The following CHODL variants were observed in gnomAD, a reference collection of about 807,000 sequenced individuals.
The protein encoded by CHODL is transmembrane protein MT75.
In CHODL, 29 loss-of-function variants were observed where a neutral mutation model predicts 34.5. That is an observed-to-expected ratio of 0.84 (90% CI 0.63 to 1.15). The LOEUF is 1.15. Among genes scored for constraint, CHODL ranks in the 50% most tolerant of loss-of-function variants. CHODL has a pLI of 0.00. For synonymous variants in CHODL, 125 were observed against 116.1 expected (o/e 1.08, Z -0.49); for missense variants, 332 against 332.5 (o/e 1.00, Z 0.01).
At chr21:17,950,431 C>T (rs1290392230) in intron 1 of CHODL, among the ~76,000 whole-genome samples, 9 of 151,296 alleles carry the variant, frequency 5.9e-5, no homozygotes, top group African/African-American at 2.2e-4. Context: ...GCTACTGTCT[C>T]TGGTTAGAAT....
intron 2 of CHODL, among the ~76,000 whole-genome samples, chr21:18,050,465 AG>A (rs2064499730): frequency 6.6e-6 from 1 of 151,980 alleles, no homozygotes; most frequent in African/African-American, 2.4e-5. Context: ...TCCCATTTAA[AG>A]GGCTGTGGCT....
chr21:18,081,410 G>A (rs1475324657), intron 2 of CHODL, among the ~76,000 whole-genome samples: 1 of 152,064 alleles, frequency 6.6e-6, no homozygotes, highest in Admixed American at 6.6e-5. Context: ...GCTGGGTGCG[G>A]TGGCTCACAT....
intron 2 of CHODL, among the ~76,000 whole-genome samples, chr21:18,160,845 C>G (rs1435484789): frequency 2.0e-5 from 3 of 152,110 alleles, no homozygotes; most frequent in African/African-American, 4.8e-5. Flanking sequence ...TGGGTAGATA[C>G]TCAGTAATGG....
rs563292702 is a variant in CHODL, at chr21:18,079,337, C to T, written c.-45+51366C>T. Among the ~76,000 whole-genome samples the T allele has an allele frequency of 6.0e-4, 90 of 149,872 alleles. 1 individual carries two copies. The highest frequency in any genetic ancestry group is 1.2e-3 in the East Asian group (6 of 5,130). ...TTATGCCATAAAACACATGATTTTA[C>T]GGTATATATATACCATAGAATATTA... On this transcript the variant is annotated intron_variant, in intron 2 of 6. Transcript: ENST00000400127.
chr21:18,115,011 T>C (rs1042075958), intron 2 of CHODL: 10 of 152,236 alleles, frequency 6.6e-5, no homozygotes, highest in Non-Finnish European at 1.5e-4. Context: ...TATGTATTCA[T>C]GAGCTAAATA....
chr21:18,011,174 G>T (rs1435606416), intron 1 of CHODL, among the ~76,000 whole-genome samples: 3 of 152,160 alleles, frequency 2.0e-5, no homozygotes, highest in African/African-American at 4.8e-5. Flanking sequence ...ACTATTATAT[G>T]TCTTTGTCCA....
chr21:18,245,726 C>T, intron 1 of CHODL: 4 of 603,984 alleles, frequency 6.6e-6, no homozygotes, highest in South Asian at 6.0e-5. Context: ...GGACTTTGGT[C>T]CCAGCACCGT....
Position 17,941,721 on chromosome 21 carries a change from G to A in CHODL, c.-145+24321G>A, listed in dbSNP as rs145789155. 3.2e-4 allele frequency among the ~76,000 whole-genome samples: 49 copies of A among 151,980 alleles called. 1 individual carries two copies. The highest frequency in any genetic ancestry group is 8.8e-5 in the Non-Finnish European group (6 of 67,968). ...TTCTACTACATACCTGTCTTAGTTC[G>A]CTCAGGCTACTATAACAAAATACCA... On this transcript the variant is annotated intron_variant, in intron 1 of 6. Transcript: ENST00000400127.
intron 2 of CHODL, among the ~76,000 whole-genome samples, chr21:18,230,946 C>A (rs1052210055): frequency 6.6e-6 from 1 of 151,698 alleles, no homozygotes; most frequent in Non-Finnish European, 1.5e-5. Flanking sequence ...TTCTTTCATT[C>A]GTACTTAGAT....
Position 17,948,165 on chromosome 21 carries a change from G to A in CHODL, c.-145+30765G>A, listed in dbSNP as rs762917855. Among the ~76,000 whole-genome samples the A allele has an allele frequency of 2.8e-4, 42 of 152,220 alleles. 1 individual carries two copies. Among genetic ancestry groups the A allele is most frequent in the Middle Eastern group, 6.8e-3 (2 of 292 alleles). On this transcript the variant is annotated intron_variant, in intron 1 of 6. Coordinates refer to the CHODL transcript ENST00000400127. ...AACTACAAAAGGTTGAAGTATGGGAGAGGGATGAGAACTGAGAAATTACCT... is the reference window on the plus strand; with the variant it reads ...AACTACAAAAGGTTGAAGTATGGGAAAGGGATGAGAACTGAGAAATTACCT...
intron 2 of CHODL, among the ~76,000 whole-genome samples, chr21:18,073,193 C>T (rs1003731228): frequency 6.6e-6 from 1 of 152,012 alleles, no homozygotes. Flanking sequence ...TTGAAATAGA[C>T]AAAACGTTAG....
chr21:17,997,317 A>T (rs1340974646), intron 1 of CHODL, among the ~76,000 whole-genome samples: 1 of 152,178 alleles, frequency 6.6e-6, no homozygotes, highest in Non-Finnish European at 1.5e-5. Context: ...CTTCCTCCTC[A>T]CTTTGGCTTC....
intron 2 of CHODL, among the ~76,000 whole-genome samples, chr21:18,132,146 A>G (rs1346429869): frequency 6.6e-6 from 1 of 152,106 alleles, no homozygotes; most frequent in African/African-American, 2.4e-5. Context: ...TTTGTTACAT[A>G]TATATACATG....
rs543795393 is a variant in CHODL, at chr21:17,983,910, TGTG to T, written c.-144-43960_-144-43958del. 8.9e-3 allele frequency among the ~76,000 whole-genome samples: 728 copies of T among 81,580 alleles called. 4 individuals are homozygous for T. The highest frequency in any genetic ancestry group is 0.038 in the African/African-American group (671 of 17,470). The allele number at this position is 81,580 out of a possible 152,430, so 53.5% of individuals were successfully genotyped here. A position where few individuals can be genotyped will look rare whatever the true frequency, so the allele number is the denominator to read the frequency against. On this transcript the variant is annotated intron_variant, in intron 1 of 6. Transcript: ENST00000400127. The stretch of plus-strand genomic sequence containing the variant: ...TTCCTTTCCTGTGTGCAAGTGTGTG[TGTG>T]GGGGGGGTGGGGGCAAGAACACTTA...
chr21:18,046,925 G>A (rs9982685), intron 2 of CHODL, among the ~76,000 whole-genome samples: 3,567 of 151,852 alleles, frequency 0.023, 137 homozygotes, highest in African/African-American at 0.082. Flanking sequence ...TAATTTTCAC[G>A]TCTCCATATT....
upstream of CHODL, among the ~76,000 whole-genome samples, chr21:18,243,806 A>G (rs2074104343): frequency 6.6e-6 from 1 of 152,196 alleles, no homozygotes. Context: ...AAACAGTCCA[A>G]CAGATGCTTA....
intron 1 of CHODL, among the ~76,000 whole-genome samples, chr21:18,002,702 G>C (rs1046153475): frequency 2.6e-5 from 4 of 152,064 alleles, no homozygotes; most frequent in African/African-American, 9.7e-5. Context: ...AGTGGAAGAC[G>C]CCTCCTCACT....
chr21:18,220,410 C>A (rs2073871400), intron 2 of CHODL, among the ~76,000 whole-genome samples: 1 of 151,918 alleles, frequency 6.6e-6, no homozygotes, highest in Non-Finnish European at 1.5e-5. Context: ...TTGTTTCTTT[C>A]TTTCTCTCTT....
At chr21:18,030,645 T>G (rs911265395) in intron 2 of CHODL, among the ~76,000 whole-genome samples, 5 of 152,222 alleles carry the variant, frequency 3.3e-5, no homozygotes, top group Admixed American at 2.6e-4. Context: ...CAATGAAGAA[T>G]GCAGAAATTG....
Sources: gnomAD v4.1 joint callset for allele counts (sites outside exome capture counted in the v4.1 genomes callset) on GRCh38, gnomAD v4.1.1 for gene constraint, MANE v1.5 for transcripts, NCBI Gene and HGNC (gene_info 2026-07-23, HGNC 2026-07-21) for gene names.